The following TSC1 variants were observed in gnomAD, a reference collection of about 807,000 sequenced individuals.
TSC1 encodes TSC complex subunit 1.
TSC1 carries 20 observed loss-of-function variants against 124.3 expected under a neutral mutation model. The ratio of observed to expected loss-of-function variants is 0.16; its 90% CI spans 0.11 to 0.23. The LOEUF (loss-of-function observed/expected upper bound fraction) is 0.23, where lower values mean the gene tolerates loss of function less well. TSC1 is among the 10% of genes least tolerant of loss of function. The probability of loss-of-function intolerance (pLI) is 1.00; values close to 1 mark genes in which losing one functional copy is unlikely to be tolerated. For missense variants in TSC1, 1,124 were observed against 1,448.5 expected, an observed-to-expected ratio of 0.78 and a Z score of 3.64; for synonymous variants, 493 against 539.1, an observed-to-expected ratio of 0.91 and a Z score of 1.19.
intron 20 of TSC1, 135 bp downstream of exon 20, chr9:132,900,580 C>T (rs1845314109): frequency 7.0e-7 from 1 of 1,436,432 alleles, no homozygotes; most frequent in Admixed American, 1.7e-5. Context: ...ATAGCTGGAC[C>T]ACGGAGTAGT....
At chr9:132,910,798 T>G in intron 11 of TSC1, 106 bp from the exon 12 acceptor site, 1 of 1,545,732 alleles carries the variant, frequency 6.5e-7, no homozygotes, top group Non-Finnish European at 8.9e-7. Context: ...GCTGCTAGAG[T>G]TAACTTTCTG....
chr9:132,907,403 C>T (rs1333615031), intron 12 of TSC1, 33 bp from the exon 13 acceptor site: 12 of 1,560,162 alleles, frequency 7.7e-6, no homozygotes, highest in East Asian at 6.7e-5. Context: ...TATCACAAGA[C>T]GAAAAATGTT....
intron 6 of TSC1, among the ~76,000 whole-genome samples, chr9:132,922,869 G>A (rs62578212): frequency 4.0e-5 from 6 of 151,628 alleles, no homozygotes; most frequent in Admixed American, 3.9e-4. Flanking sequence ...CCTGCCGATA[G>A]GGGAAAAAAA....
Position 132,921,256 on chromosome 9 carries a change from A to G in TSC1, c.737+107T>C, listed in dbSNP as rs148614872. ...GTGCTTCCAAGTGGACTGATTCTGTAAGTAGAACATCTATATTCCCAAATA... is the reference window on the plus strand; with the variant it reads ...GTGCTTCCAAGTGGACTGATTCTGTGAGTAGAACATCTATATTCCCAAATA... On this transcript the variant is annotated intron_variant, in intron 8 of 22. Coordinates refer to ENST00000298552, the MANE Select transcript of TSC1 (RefSeq NM_000368.5). This position sits in a 1 kb window ranked among gnomAD's most constrained non-coding sequence, Gnocchi z 4.3. The G allele has an allele frequency of 2.9e-4, 348 of 1,201,168 alleles. No individual in the cohort carries two copies. The highest frequency in any genetic ancestry group is 1.9e-3 in the Middle Eastern group (10 of 5,214). The allele number at this position is 1,201,168 out of a possible 1,614,324, so 74.4% of individuals were successfully genotyped here.
chr9:132,933,062 G>C (rs1847282872), intron 2 of TSC1, among the ~76,000 whole-genome samples: 1 of 152,102 alleles, frequency 6.6e-6, no homozygotes, highest in African/African-American at 2.4e-5. Context: ...CTTTGGCTTT[G>C]GTGTTTTGTT....
rs1326375691 is a variant in TSC1, at chr9:132,900,692, C to A, written c.2625+23G>T. ...TCTGAAACGCTTTCCCCACTAAGGT[C>A]TGGCTCCCGAGCCCTGGCATACCTT... On this transcript the variant is annotated intron_variant, in intron 20 of 22. Transcript: ENST00000298552. 2.5e-6 allele frequency: 4 copies of A among 1,613,632 alleles called. No homozygotes were observed. In the African/African-American group the frequency reaches 4.0e-5, roughly 16 times the overall value.
intron 2 of TSC1, among the ~76,000 whole-genome samples, chr9:132,933,888 G>A (rs1564509611): frequency 1.3e-5 from 2 of 151,976 alleles, no homozygotes; most frequent in South Asian, 4.1e-4. Flanking sequence ...TTTGACTTTG[G>A]GTTCAAATTC....
intron 1 of TSC1, among the ~76,000 whole-genome samples, chr9:132,938,001 C>T (rs796303344): frequency 1.3e-5 from 2 of 152,122 alleles, no homozygotes; most frequent in African/African-American, 4.8e-5. Context: ...CAGGCGTGAG[C>T]CCCCACCCCC....
At chr9:132,924,429 G>A (rs1358756738) in intron 5 of TSC1, among the ~76,000 whole-genome samples, 1 of 152,174 alleles carries the variant, frequency 6.6e-6, no homozygotes, top group Non-Finnish European at 1.5e-5. Flanking sequence ...TAGGAGAATT[G>A]AGAATATATG....
intron 2 of TSC1, among the ~76,000 whole-genome samples, chr9:132,932,564 C>T (rs140094658): frequency 2.5e-4 from 38 of 152,302 alleles, no homozygotes; most frequent in African/African-American, 8.4e-4. Flanking sequence ...AATGGCTTCC[C>T]ATGGAATTAA....
chr9:132,897,694 A>T, intron 20 of TSC1, 84 bp from the exon 21 acceptor site: 1 of 1,522,520 alleles, frequency 6.6e-7, no homozygotes, highest in Non-Finnish European at 8.8e-7. Context: ...ACAATGTAAG[A>T]AGGACTGAGA....
intron 19 of TSC1, 98 bp from the exon 20 acceptor site, chr9:132,900,935 A>G: frequency 6.4e-7 from 1 of 1,565,572 alleles, no homozygotes; most frequent in South Asian, 1.1e-5. Flanking sequence ...CACTATTTCA[A>G]TGTTAAGGCA....
chr9:132,935,578 C>T (rs1223832123), intron 1 of TSC1, among the ~76,000 whole-genome samples: 3 of 152,210 alleles, frequency 2.0e-5, no homozygotes, highest in Non-Finnish European at 4.4e-5. Flanking sequence ...CAGCACGGGG[C>T]ACACCGAAGT....
In TSC1 at chr9:132,928,969, T is replaced by A. The variant is rs1847049962; in HGVS notation, c.-80-17A>T. On this transcript the variant is annotated splice_polypyrimidine_tract_variant and intron_variant, in intron 2 of 22. Coordinates refer to ENST00000298552, the MANE Select transcript of TSC1 (RefSeq NM_000368.5). ...ACTACCAAACTGAGAAAAAGGAAGA[T>A]GAACAGTCACTAAATGGCCCCATTT... 6.3e-7 allele frequency: 1 copy of A among 1,576,226 alleles called. No homozygotes were observed. Among genetic ancestry groups the A allele is most frequent in the African/African-American group, 1.4e-5 (1 of 73,934 alleles).
At position 132,921,882 on chromosome 9, in the gene TSC1, G is replaced by C. The variant is rs2132154133; in HGVS notation, c.600C>G (p.Val200=). The C allele has an allele frequency of 6.2e-7, 1 of 1,614,210 alleles. No homozygotes were observed. The highest frequency in any genetic ancestry group is 8.5e-7 in the Non-Finnish European group (1 of 1,180,026). The stretch of plus-strand genomic sequence containing the variant: ...TACTGTAATGAGAACGCAAAAAGGA[G>C]ACGAAGTTGCAAGGGTACATTCCAT... ...RLYGMYPCNF[V]SFLRSHYSMK... The change falls in exon 7 of 23, where the codon GTC becomes GTG. Residue 200 remains valine (V), a synonymous_variant. Transcript: ENST00000298552. The surrounding 1 kb of genome is among the most constrained non-coding windows in gnomAD (Gnocchi z 4.3).
intron 20 of TSC1, among the ~76,000 whole-genome samples, chr9:132,898,249 C>T (rs1250509583): frequency 1.3e-5 from 2 of 152,184 alleles, no homozygotes; most frequent in East Asian, 1.9e-4. Context: ...GTTTGTTGAT[C>T]GTGCTAAGGC....
Position 132,906,954 on chromosome 9 carries a change from C to T in TSC1, c.1334-119G>A. The T allele has an allele frequency of 1.2e-6, 1 of 819,980 alleles. No individual in the cohort carries two copies. Among genetic ancestry groups the T allele is most frequent in the Non-Finnish European group, 2.0e-6 (1 of 487,996 alleles). The allele number at this position is 819,980 out of a possible 1,614,324, so 50.8% of individuals were successfully genotyped here. A position where few individuals can be genotyped will look rare whatever the true frequency, so the allele number is the denominator to read the frequency against. ...AACTCTTCATGCTGAACAGAGAAGG[C>T]TGGACATGGCTCTGTCCTGGGGATA... On this transcript the variant is annotated intron_variant, in intron 13 of 22. Transcript: ENST00000298552. The surrounding 1 kb of genome is among the most constrained non-coding windows in gnomAD (Gnocchi z 4.1).
At chr9:132,904,592 G>A (rs959038848) in intron 15 of TSC1, 138 bp from the exon 16 acceptor site, 5 of 854,536 alleles carry the variant, frequency 5.9e-6, no homozygotes, top group Non-Finnish European at 9.6e-6. Flanking sequence ...TCAAACTCCA[G>A]GTCCACAGAG....
Position 132,912,267 on chromosome 9 carries a change from A to G in TSC1, c.913+15T>C, listed in dbSNP as rs201367592. 1 of 1,613,942 alleles carries G rather than the reference A, an allele frequency of 6.2e-7. No homozygotes were observed. Among genetic ancestry groups the G allele is most frequent in the Non-Finnish European group, 8.5e-7 (1 of 1,179,904 alleles). On this transcript the variant is annotated intron_variant, in intron 9 of 22. Coordinates refer to ENST00000298552, the MANE Select transcript of TSC1 (RefSeq NM_000368.5). Reference sequence around the variant, plus strand: ...CAAAGTTGCAAAACAGATAAGTACCAAAGACACTTTTTACCATAGCTATTC... The same window carrying G: ...CAAAGTTGCAAAACAGATAAGTACCGAAGACACTTTTTACCATAGCTATTC...
Sources: allele counts gnomAD v4.1 joint callset (sites outside exome capture counted in the v4.1 genomes callset), GRCh38; gene constraint gnomAD v4.1.1; non-coding constraint Gnocchi (gnomAD v3.1); transcripts MANE v1.5; gene names NCBI Gene and HGNC (gene_info 2026-07-23, HGNC 2026-07-21).